The following CSTPP1 variants were observed in gnomAD, a reference collection of about 807,000 sequenced individuals.
The protein encoded by CSTPP1 is UPF0705 protein C11orf49.
At chr11:47,142,365 T>C in the CSTPP1 span, among the ~76,000 whole-genome samples, 1 of 152,154 alleles carries the variant, frequency 6.6e-6, no homozygotes, top group Non-Finnish European at 1.5e-5. Flanking sequence ...ACCAACCTAA[T>C]AGCACAATGT....
the CSTPP1 span, chr11:47,052,745 T>C: frequency 4.4e-6 from 2 of 456,038 alleles, no homozygotes; most frequent in Admixed American, 8.0e-5. Flanking sequence ...CTATTACCAC[T>C]ACCATCACTA....
the CSTPP1 span, among the ~76,000 whole-genome samples, chr11:47,007,566 T>C: frequency 1.3e-5 from 2 of 152,222 alleles, no homozygotes; most frequent in African/African-American, 4.8e-5. Context: ...TATTACAAAG[T>C]CCATAATTTA....
chr11:47,162,397 G>A, the CSTPP1 span: 3 of 308,982 alleles, frequency 9.7e-6, no homozygotes, highest in African/African-American at 2.3e-5. Context: ...GCCTAGCTTC[G>A]CACAAGAGCA....
At chr11:47,129,434 CT>C in the CSTPP1 span, among the ~76,000 whole-genome samples, 2 of 152,314 alleles carry the variant, frequency 1.3e-5, no homozygotes, top group Admixed American at 6.5e-5. Context: ...ACTAGAGAGG[CT>C]TTCTTTTCTC....
the CSTPP1 span, chr11:47,162,220 C>T: frequency 4.1e-6 from 4 of 985,290 alleles, no homozygotes; most frequent in South Asian, 4.7e-5. Flanking sequence ...ACATGTGAAA[C>T]GAATAAAAAG....
the CSTPP1 span, among the ~76,000 whole-genome samples, chr11:46,952,259 A>G: frequency 1.1e-4 from 16 of 152,210 alleles, no homozygotes; most frequent in Non-Finnish European, 2.1e-4. Flanking sequence ...AGCTGCCTCA[A>G]TTGTAGCCAT....
chr11:47,015,356 C>T, the CSTPP1 span, among the ~76,000 whole-genome samples: 13 of 151,850 alleles, frequency 8.6e-5, 1 homozygote, highest in Non-Finnish European at 1.3e-4. Flanking sequence ...CGCCTGTAAT[C>T]CCAGCTACTC....
At chr11:47,057,119 A>G in the CSTPP1 span, among the ~76,000 whole-genome samples, 1 of 152,212 alleles carries the variant, frequency 6.6e-6, no homozygotes, top group Non-Finnish European at 1.5e-5. Context: ...ATTTTAGATA[A>G]TCTCATGAAG....
chr11:47,107,286 C>T, the CSTPP1 span, among the ~76,000 whole-genome samples: 1 of 152,224 alleles, frequency 6.6e-6, no homozygotes, highest in Admixed American at 6.5e-5. Context: ...CCCTGGAACA[C>T]TCCTCCTGGG....
the CSTPP1 span, among the ~76,000 whole-genome samples, chr11:47,107,856 C>T: frequency 1.4e-5 from 1 of 69,072 alleles, no homozygotes; most frequent in South Asian, 4.7e-4. Flanking sequence ...CGGTACAATT[C>T]CCCCCCAGTT....
chr11:47,041,583 G>T, the CSTPP1 span: 1 of 401,630 alleles, frequency 2.5e-6, no homozygotes. Flanking sequence ...CCTCATTGAT[G>T]CCGGGAAAGG....
At chr11:47,000,951 A>G in the CSTPP1 span, among the ~76,000 whole-genome samples, 2 of 152,212 alleles carry the variant, frequency 1.3e-5, no homozygotes, top group African/African-American at 4.8e-5. Flanking sequence ...TAAAAGTAAC[A>G]TTCTCATGGT....
the CSTPP1 span, among the ~76,000 whole-genome samples, chr11:47,092,125 A>G: frequency 6.6e-6 from 1 of 152,176 alleles, no homozygotes; most frequent in Admixed American, 6.6e-5. Flanking sequence ...CCAGAATGCA[A>G]CTGTAGAGTG....
chr11:46,960,673 A>C, the CSTPP1 span, among the ~76,000 whole-genome samples: 2 of 152,162 alleles, frequency 1.3e-5, no homozygotes, highest in Non-Finnish European at 2.9e-5. Flanking sequence ...CAACATGGTG[A>C]AACCCCGTCT....
chr11:47,030,668 T>C, the CSTPP1 span, among the ~76,000 whole-genome samples: 2 of 152,182 alleles, frequency 1.3e-5, no homozygotes, highest in East Asian at 1.9e-4. Flanking sequence ...CTTTTCCCTC[T>C]TCCCATCCTC....
At chr11:47,041,303 C>A in the CSTPP1 span, 4 of 265,714 alleles carry the variant, frequency 1.5e-5, 1 homozygote, top group Admixed American at 4.8e-5. Flanking sequence ...CTGTCTCATA[C>A]AGGGATAGAA....
the CSTPP1 span, chr11:47,161,028 C>A: frequency 6.7e-7 from 1 of 1,499,958 alleles, no homozygotes; most frequent in South Asian, 1.2e-5. Flanking sequence ...CTCGCAGGGT[C>A]AGCAGAACAG....
chr11:46,956,972 T>C, the CSTPP1 span, among the ~76,000 whole-genome samples: 6 of 151,466 alleles, frequency 4.0e-5, no homozygotes, highest in African/African-American at 2.4e-5. Flanking sequence ...ATATATAATA[T>C]AGTATACTAT....
At chr11:47,115,190 G>T in the CSTPP1 span, among the ~76,000 whole-genome samples, 1 of 152,164 alleles carries the variant, frequency 6.6e-6, no homozygotes, top group Non-Finnish European at 1.5e-5. Context: ...TAACTTGATC[G>T]TGGTGGATAA....
Sources: allele counts gnomAD v4.1 joint callset (sites outside exome capture counted in the v4.1 genomes callset), GRCh38; gene constraint gnomAD v4.1.1; transcripts MANE v1.5; gene names NCBI Gene and HGNC (gene_info 2026-07-23, HGNC 2026-07-21).